DDI2: variants seen among roughly 807,000 people sequenced by gnomAD.
DDI2 encodes the protein protein DDI1 homolog 2.
Under a neutral mutation model 48.1 loss-of-function variants are expected in DDI2, and 5 were observed. The ratio of observed to expected loss-of-function variants is 0.10; its 90% CI spans 0.05 to 0.22. The LOEUF (loss-of-function observed/expected upper bound fraction) is 0.22. DDI2 is among the 10% of genes least tolerant of loss of function. The pLI is 1.00. For missense variants in DDI2, 285 were observed against 506.2 expected, an observed-to-expected ratio of 0.56 and a Z score of 4.19; for synonymous variants, 205 against 183.6, an observed-to-expected ratio of 1.12 and a Z score of -0.94.
intron 7 of DDI2, 99 bp downstream of exon 7, chr1:15,649,922 A>G: frequency 8.3e-7 from 1 of 1,200,604 alleles, no homozygotes; most frequent in Non-Finnish European, 1.1e-6. Context: ...AAACTAAGAA[A>G]TAACGACTTT....
intron 5 of DDI2, among the ~76,000 whole-genome samples, chr1:15,642,519 T>C (rs1313303065): frequency 6.6e-6 from 1 of 152,214 alleles, no homozygotes; most frequent in Non-Finnish European, 1.5e-5. Context: ...TATTGCTATG[T>C]TGCCCAAGCT....
chr1:15,667,282 A>T lies in DDI2; in HGVS notation c.*7492A>T, dbSNP rs2148313152. 6.6e-6 allele frequency: 1 copy of T among 152,166 alleles called. No individual in the cohort carries two copies. Among genetic ancestry groups the T allele is most frequent in the South Asian group, 2.1e-4 (1 of 4,824 alleles). 9.4% of individuals were successfully genotyped at this position (152,166 alleles called of 1,614,324 possible). ...GTAACATGTATAAATGCCTGAGGAG[A>T]TCAGTTATTGAGAAATCCATTTACA... is the stretch of plus-strand genomic sequence containing the variant. On this transcript the variant is annotated 3_prime_UTR_variant, in exon 10 of 10. Coordinates refer to ENST00000480945, the MANE Select transcript of DDI2 (RefSeq NM_032341.5).
chr1:15,645,948 C>T (rs1640084254), intron 6 of DDI2, among the ~76,000 whole-genome samples: 1 of 151,734 alleles, frequency 6.6e-6, no homozygotes, highest in Admixed American at 6.6e-5. Flanking sequence ...CTCTTGTGGC[C>T]TTCACTGTAG....
In DDI2 at chr1:15,617,496, T is replaced by TA. The variant is rs1268286786; in HGVS notation, c.-174dup. 4 of 404,534 alleles carry TA rather than the reference T, an allele frequency of 9.9e-6. No individual in the cohort carries two copies. The highest frequency in any genetic ancestry group is 1.6e-5 in the Non-Finnish European group (4 of 244,308). 25.1% of individuals were successfully genotyped at this position (404,534 alleles called of 1,614,324 possible). On this transcript the variant is annotated 5_prime_UTR_variant, in exon 1 of 10. Coordinates refer to ENST00000480945, the MANE Select transcript of DDI2 (RefSeq NM_032341.5). ...GGCGTGTGGCGGCGGCCGTGCTTGC[T>TA]AGTGAGGGCGGGAGGGAGTGACTCA... is the stretch of plus-strand genomic sequence containing the variant.
chr1:15,661,536 T>C lies in DDI2; in HGVS notation c.*1746T>C, dbSNP rs1570996134. On this transcript the variant is annotated 3_prime_UTR_variant, in exon 10 of 10. Coordinates refer to ENST00000480945, the MANE Select transcript of DDI2 (RefSeq NM_032341.5). Reference sequence around the variant, plus strand: ...GGCCATTACTTGAATATGAACCACCTACCAGCCATCCATCATCAAGTCCTG... The same window carrying C: ...GGCCATTACTTGAATATGAACCACCCACCAGCCATCCATCATCAAGTCCTG... The C allele has an allele frequency of 6.2e-7, 1 of 1,614,178 alleles. No homozygotes were observed. The highest frequency in any genetic ancestry group is 1.7e-5 in the Admixed American group (1 of 60,022).
chr1:15,655,454 TAA>T (rs551014823), intron 8 of DDI2, among the ~76,000 whole-genome samples: 1 of 144,642 alleles, frequency 6.9e-6, no homozygotes, highest in Non-Finnish European at 1.5e-5. Context: ...CACTTGTTTC[TAA>T]AAAAAAAAAC....
At position 15,649,668 on chromosome 1, in the gene DDI2, T is replaced by A. The variant is rs150436555; in HGVS notation, c.890-52T>A. The stretch of plus-strand genomic sequence containing the variant: ...CCTGGGCAACAAGAGCGAAACTCCG[T>A]CTCTGTTTTGAAGTACGTAACAATA... On this transcript the variant is annotated intron_variant, in intron 6 of 9. Transcript: ENST00000480945. The A allele has an allele frequency of 4.2e-4, 661 of 1,567,212 alleles. 3 individuals carry two copies. In the African/African-American group the frequency reaches 7.9e-3, roughly 19 times the overall value.
chr1:15,643,254 G>A (rs1280354000), intron 5 of DDI2, among the ~76,000 whole-genome samples: 2 of 152,138 alleles, frequency 1.3e-5, no homozygotes, highest in African/African-American at 4.8e-5. Flanking sequence ...GCTTTCTACT[G>A]GTAAAGTCTT....
intron 8 of DDI2, among the ~76,000 whole-genome samples, chr1:15,653,950 C>T (rs1276724989): frequency 6.6e-6 from 1 of 152,068 alleles, no homozygotes; most frequent in Non-Finnish European, 1.5e-5. Flanking sequence ...AATGATGGAG[C>T]TAAGTTTTCT....
At chr1:15,632,478 A>G (rs914216188) in intron 3 of DDI2, among the ~76,000 whole-genome samples, 19 of 152,112 alleles carry the variant, frequency 1.2e-4, no homozygotes, top group African/African-American at 4.6e-4. Context: ...GGTTGTAGTG[A>G]GCCAAGATTG....
chr1:15,629,954 A>T (rs1639817016), intron 2 of DDI2, among the ~76,000 whole-genome samples: 1 of 152,018 alleles, frequency 6.6e-6, no homozygotes, highest in African/African-American at 2.4e-5. Flanking sequence ...CTGGTCTTGA[A>T]CTTCTGACCT....
chr1:15,656,904 A>ATTTTCTCCCTGTTG, intron 9 of DDI2: 1 of 482,070 alleles, frequency 2.1e-6, no homozygotes, highest in Non-Finnish European at 3.6e-6. Context: ...TCCAACAGGG[A>ATTTTCTCCCTGTTG]GAAAATCCCA....
intron 8 of DDI2, among the ~76,000 whole-genome samples, chr1:15,652,449 AGG>A (rs1169848525): frequency 0.026 from 216 of 8,178 alleles, 14 homozygotes; most frequent in East Asian, 0.15. Flanking sequence ...GAGGCTCCGG[AGG>A]GGGGGGGGGG....
At chr1:15,639,534 G>A (rs1182001272) in intron 5 of DDI2, among the ~76,000 whole-genome samples, 1 of 152,138 alleles carries the variant, frequency 6.6e-6, no homozygotes, top group Non-Finnish European at 1.5e-5. Context: ...GGTGCAGTCA[G>A]CTCACTTCAG....
At chr1:15,638,529 A>G in intron 5 of DDI2, 95 bp downstream of exon 5, 1 of 788,192 alleles carries the variant, frequency 1.3e-6, no homozygotes, top group Non-Finnish European at 1.7e-6. Flanking sequence ...AGATGGCTGT[A>G]CTTTTTTTTT....
chr1:15,665,262 CAAAA>C lies in DDI2; in HGVS notation c.*5487_*5490del, dbSNP rs1220947128. On this transcript the variant is annotated 3_prime_UTR_variant, in exon 10 of 10. Coordinates refer to ENST00000480945, the MANE Select transcript of DDI2 (RefSeq NM_032341.5). ...GGGCAACAAGAGCAAAACTCTGTCTCAAAAAAAAAAAAAAAAAAGGTAACCAGTT... is the reference window on the plus strand; with the variant it reads ...GGGCAACAAGAGCAAAACTCTGTCTCAAAAAAAAAAAAAAGGTAACCAGTT... 1.7e-4 allele frequency: 16 copies of C among 95,918 alleles called. No homozygotes were observed. Among genetic ancestry groups the C allele is most frequent in the East Asian group, 4.5e-4 (1 of 2,204 alleles). The allele number at this position is 95,918 out of a possible 1,614,324, so 5.9% of individuals were successfully genotyped here.
rs1438184765 is a variant in DDI2 at position 15,664,434 on chromosome 1, C to CCA, written c.*4644_*4645insCA. On this transcript the variant is annotated 3_prime_UTR_variant, in exon 10 of 10. Coordinates refer to ENST00000480945, the MANE Select transcript of DDI2 (RefSeq NM_032341.5). Reference sequence around the variant, plus strand: ...CGGCAGAGTGAGACTCTGTCTCACCCAAAAAAAAAAAAAAAAAGCTATTGA... The same window carrying CCA: ...CGGCAGAGTGAGACTCTGTCTCACCCCAAAAAAAAAAAAAAAAAAGCTATTGA... 1.2e-5 allele frequency: 1 copy of CCA among 81,186 alleles called. No individual in the cohort carries two copies. The highest frequency in any genetic ancestry group is 3.9e-5 in the African/African-American group (1 of 25,598). The allele number at this position is 81,186 out of a possible 1,614,324, so 5.0% of individuals were successfully genotyped here.
intron 3 of DDI2, among the ~76,000 whole-genome samples, chr1:15,632,399 G>A (rs1391439764): frequency 1.3e-5 from 2 of 152,130 alleles, no homozygotes; most frequent in Admixed American, 6.5e-5. Context: ...TGGACGTGGT[G>A]GCAGGTACCT....
At chr1:15,630,936 C>T (rs555182991) in intron 3 of DDI2, among the ~76,000 whole-genome samples, 14 of 152,300 alleles carry the variant, frequency 9.2e-5, no homozygotes, top group South Asian at 8.3e-4. Flanking sequence ...CTCCGCCTCC[C>T]GGGTTCATGC....
Sources: allele counts gnomAD v4.1 joint callset (sites outside exome capture counted in the v4.1 genomes callset), GRCh38; gene constraint gnomAD v4.1.1; transcripts MANE v1.5; gene names NCBI Gene and HGNC (gene_info 2026-07-23, HGNC 2026-07-21).